The following VAMP4 variants were observed in gnomAD, a reference collection of about 807,000 sequenced individuals.
The protein encoded by VAMP4 is vesicle-associated membrane protein 4.
Under a neutral mutation model 23.5 loss-of-function variants are expected in VAMP4, and 19 were observed. The ratio of observed to expected loss-of-function variants is 0.81; its 90% CI spans 0.56 to 1.19. VAMP4 has a LOEUF of 1.19. Among genes scored for constraint, VAMP4 ranks in the 50% most tolerant of loss-of-function variants. VAMP4 has a pLI of 0.00. For missense variants in VAMP4, 145 were observed against 168.6 expected (o/e 0.86, Z 0.78); for synonymous variants, 31 against 51.0 (o/e 0.61, Z 1.67).
At chr1:171,733,388 C>G (rs1655625149) in intron 2 of VAMP4, among the ~76,000 whole-genome samples, 1 of 151,634 alleles carries the variant, frequency 6.6e-6, no homozygotes, top group Non-Finnish European at 1.5e-5. Flanking sequence ...TTGCTTGAGC[C>G]CAGGAGGAGG....
rs540625905 is a variant in VAMP4, at chr1:171,733,274, A to G, written c.67-4704T>C. 2.9e-5 allele frequency among the ~76,000 whole-genome samples: 4 copies of G among 139,378 alleles called. No individual in the cohort carries two copies. The East Asian group carries it at 8.4e-4, about 29-fold the overall frequency. 91.4% of individuals were successfully genotyped at this position (139,378 alleles called of 152,430 possible). On this transcript the variant is annotated intron_variant, in intron 2 of 7. Coordinates refer to ENST00000236192, the MANE Select transcript of VAMP4 (RefSeq NM_003762.5). ...GGAGTTCGAAACCAGCCTGGGCAAT[A>G]CGGTGAAACCCCATCTCTACAAAAA...
rs1654652018 is a variant in VAMP4 at position 171,706,368 on chromosome 1, G to A, written c.396C>T (p.Ile132=). Residue 132 remains isoleucine, a splice_region_variant and synonymous_variant, in exon 7 of 8, where the codon ATC becomes ATT. Transcript: ENST00000236192. ...LVAAILLLVI[I]ILIVMKYRT Reference sequence around the variant, plus strand: ...AGTAATAATCCAATAAATACTTACTGATAATCACTAGCAAAAGGATAGCAG... The same window carrying A: ...AGTAATAATCCAATAAATACTTACTAATAATCACTAGCAAAAGGATAGCAG... The A allele has an allele frequency of 6.2e-7, 1 of 1,608,760 alleles. No individual in the cohort carries two copies. Among genetic ancestry groups the A allele is most frequent in the African/African-American group, 1.3e-5 (1 of 74,618 alleles).
intron 6 of VAMP4, among the ~76,000 whole-genome samples, chr1:171,707,473 C>A (rs1050129281): frequency 6.6e-6 from 1 of 152,130 alleles, no homozygotes; most frequent in Non-Finnish European, 1.5e-5. Flanking sequence ...ACTGGCAACT[C>A]CTGATCTGCG....
intron 3 of VAMP4, among the ~76,000 whole-genome samples, chr1:171,728,301 T>C (rs1218057395): frequency 6.6e-6 from 1 of 152,186 alleles, no homozygotes. Context: ...CTGAAATAGA[T>C]GATTCTCCTT....
chr1:171,732,348 G>A (rs191797229), intron 2 of VAMP4, among the ~76,000 whole-genome samples: 50 of 140,186 alleles, frequency 3.6e-4, no homozygotes, highest in Non-Finnish European at 5.6e-4. Flanking sequence ...TAGCAAGACC[G>A]TGTCTCTATG....
At chr1:171,710,876 A>T (rs1282306334) in intron 4 of VAMP4, 62 bp from the exon 5 acceptor site, 1 of 1,237,136 alleles carries the variant, frequency 8.1e-7, no homozygotes, top group East Asian at 2.4e-5. Context: ...AATTTTTAAA[A>T]CTTTCATTAG....
chr1:171,706,567 A>C, intron 6 of VAMP4, 149 bp from the exon 7 acceptor site: 1 of 599,660 alleles, frequency 1.7e-6, no homozygotes, highest in Non-Finnish European at 2.7e-6. Flanking sequence ...CTCTTAGGCA[A>C]AGTTGCTTAT....
At chr1:171,730,504 G>GA (rs1320347577) in intron 2 of VAMP4, among the ~76,000 whole-genome samples, 2 of 152,178 alleles carry the variant, frequency 1.3e-5, no homozygotes, top group Non-Finnish European at 2.9e-5. Context: ...GTGGGAGAGT[G>GA]AAGTGAAGAA....
chr1:171,718,320 C>G (rs1421170912), intron 4 of VAMP4, among the ~76,000 whole-genome samples: 2 of 152,180 alleles, frequency 1.3e-5, no homozygotes, highest in Admixed American at 6.6e-5. Flanking sequence ...AATGTGCCAT[C>G]TATACCCAGG....
chr1:171,715,366 G>T lies in VAMP4; in HGVS notation c.164+3805C>A, dbSNP rs1001373. ...GTTTTAAATCCTCTTAGAGTCTGAC[G>T]GCACCTGTATTTCTGAAATGGCTCT... On this transcript the variant is annotated intron_variant, in intron 4 of 7. Transcript: ENST00000236192. 2.0e-5 allele frequency among the ~76,000 whole-genome samples: 3 copies of T among 151,926 alleles called. 1 individual carries two copies. Among genetic ancestry groups the T allele is most frequent in the Non-Finnish European group, 4.4e-5 (3 of 67,974 alleles).
intron 2 of VAMP4, among the ~76,000 whole-genome samples, chr1:171,737,410 C>A (rs186138707): frequency 6.6e-6 from 1 of 151,940 alleles, no homozygotes; most frequent in African/African-American, 2.4e-5. Context: ...CTTTTAAATG[C>A]GGCATAATTT....
rs1404198626 is a variant in VAMP4 at position 171,703,423 on chromosome 1, G to GTA, written c.*1082_*1083insTA. 1.1e-3 allele frequency: 89 copies of GTA among 81,902 alleles called. 2 individuals carry two copies. Among genetic ancestry groups the GTA allele is most frequent in the Admixed American group, 5.6e-3 (38 of 6,818 alleles). 5.1% of individuals were successfully genotyped at this position (81,902 alleles called of 1,614,324 possible). A position where few individuals can be genotyped will look rare whatever the true frequency, so the allele number is the denominator to read the frequency against. The stretch of plus-strand genomic sequence containing the variant: ...TGTGTGTGTGTGTGTGTGTGTTTGT[G>GTA]TGTATATATATATATATATATATAT... On this transcript the variant is annotated 3_prime_UTR_variant, in exon 8 of 8. Coordinates refer to ENST00000236192, the MANE Select transcript of VAMP4 (RefSeq NM_003762.5).
intron 3 of VAMP4, among the ~76,000 whole-genome samples, chr1:171,723,363 G>C (rs969650629): frequency 6.6e-6 from 1 of 152,098 alleles, no homozygotes; most frequent in African/African-American, 2.4e-5. Flanking sequence ...CGTTCTAATA[G>C]GCCTGGGAGA....
At chr1:171,715,274 G>A (rs1234609841) in intron 4 of VAMP4, among the ~76,000 whole-genome samples, 1 of 152,126 alleles carries the variant, frequency 6.6e-6, no homozygotes, top group Non-Finnish European at 1.5e-5. Context: ...GCCAGTTAAA[G>A]GCTATTCATA....
At chr1:171,714,887 T>A (rs1254043094) in intron 4 of VAMP4, among the ~76,000 whole-genome samples, 2 of 152,270 alleles carry the variant, frequency 1.3e-5, no homozygotes, top group Admixed American at 6.5e-5. Context: ...TATACTACCA[T>A]GTGTTAAGGG....
chr1:171,707,551 T>C (rs1027102955), intron 6 of VAMP4, among the ~76,000 whole-genome samples: 3 of 152,138 alleles, frequency 2.0e-5, no homozygotes, highest in East Asian at 1.9e-4. Flanking sequence ...ATCTAGAAAA[T>C]GGCAGGCACA....
chr1:171,723,459 TTC>T (rs1235330055), intron 3 of VAMP4, among the ~76,000 whole-genome samples: 1 of 152,190 alleles, frequency 6.6e-6, no homozygotes, highest in African/African-American at 2.4e-5. Context: ...TAGGAATGCA[TTC>T]TCTTTCTCAG....
intron 2 of VAMP4, among the ~76,000 whole-genome samples, chr1:171,737,566 A>G (rs10913565): frequency 0.17 from 26,190 of 152,196 alleles, 2,344 homozygotes; most frequent in Middle Eastern, 0.24. Flanking sequence ...TGAAAATCAA[A>G]AAGTTTTGGA....
rs1197825318 is a variant in VAMP4, at chr1:171,700,371, A to C, written c.*4135T>G. On this transcript the variant is annotated 3_prime_UTR_variant, in exon 8 of 8. Transcript: ENST00000236192. ...ATCAAAGGCACTTACCAAAGTGATTAAATAAGGGAGTGTGGAATTTAAAAT... is the reference window on the plus strand; with the variant it reads ...ATCAAAGGCACTTACCAAAGTGATTCAATAAGGGAGTGTGGAATTTAAAAT... The C allele has an allele frequency of 1.3e-5, 2 of 152,214 alleles. No individual in the cohort carries two copies. Among genetic ancestry groups the C allele is most frequent in the African/African-American group, 4.8e-5 (2 of 41,456 alleles). 9.4% of individuals were successfully genotyped at this position (152,214 alleles called of 1,614,324 possible).
Sources: gnomAD v4.1 joint callset for allele counts (sites outside exome capture counted in the v4.1 genomes callset) on GRCh38, gnomAD v4.1.1 for gene constraint, MANE v1.5 for transcripts, NCBI Gene and HGNC (gene_info 2026-07-23, HGNC 2026-07-21) for gene names.